The following PI15 variants were observed in gnomAD, a reference collection of about 807,000 sequenced individuals.
The protein encoded by PI15 is peptidase inhibitor 15.
In PI15, 18 loss-of-function variants were observed where a neutral mutation model predicts 31.0. The observed-to-expected ratio is 0.58, with a 90% CI of 0.40 to 0.86. PI15 has a LOEUF of 0.86. Ranked by LOEUF, PI15 falls within the 40% of genes least tolerant of loss-of-function variation. PI15 has a pLI of 0.00. For missense variants in PI15, 282 were observed against 328.1 expected, an observed-to-expected ratio of 0.86 and a Z score of 1.09; for synonymous variants, 118 against 119.1, an observed-to-expected ratio of 0.99 and a Z score of 0.06.
intron 2 of PI15, among the ~76,000 whole-genome samples, chr8:74,843,063 G>A (rs901103866): frequency 3.3e-5 from 5 of 152,032 alleles, no homozygotes; most frequent in East Asian, 1.9e-4. Context: ...GACCTTATAC[G>A]TTGCAATATA....
Position 74,849,249 on chromosome 8 carries a change from A to G in PI15, c.773A>G (p.Lys258Arg), listed in dbSNP as rs1471474422. Residue 258 changes from lysine to arginine, a missense_variant, in exon 6 of 6, where the codon AAA becomes AGA. Transcript: ENST00000260113. ...GVTSNYLYWFK is the reference protein window; with the variant it reads ...GVTSNYLYWFR ...ACGTCAAACTACCTGTACTGGTTTA[A>G]ATAAGTTTACCTTTTCCTCCAGGAA... 6.2e-7 allele frequency: 1 copy of G among 1,610,540 alleles called. No homozygotes were observed. Among genetic ancestry groups the G allele is most frequent in the South Asian group, 1.1e-5 (1 of 90,500 alleles).
At chr8:74,834,325 C>A (rs947848898) in intron 2 of PI15, among the ~76,000 whole-genome samples, 7 of 152,154 alleles carry the variant, frequency 4.6e-5, no homozygotes, top group Non-Finnish European at 7.4e-5. Context: ...TCAAATCTTT[C>A]TCTTTGTATT....
Position 74,849,201 on chromosome 8 carries a change from A to G in PI15, c.725A>G (p.Asp242Gly). 1 of 1,612,888 alleles carries G rather than the reference A, an allele frequency of 6.2e-7. No homozygotes were observed. Among genetic ancestry groups the G allele is most frequent in the Non-Finnish European group, 8.5e-7 (1 of 1,179,016 alleles). The stretch of plus-strand genomic sequence containing the variant: ...CCAAGTTATGGGGGATCTTGTACTG[A>G]CAATCTGTGTTTTCCAGGAGTTACG... ...CPPSYGGSCT[D>G]NLCFPGVTSN... Residue 242 changes from aspartate (D) to glycine (G), a missense_variant, in exon 6 of 6, where the codon GAC becomes GGC. Physicochemically the swap from Asp to Gly is moderately conservative, Grantham distance 94. Coordinates refer to ENST00000260113, the MANE Select transcript of PI15 (RefSeq NM_015886.5).
chr8:74,825,153 A>T, intron 1 of PI15, 57 bp from the exon 2 acceptor site: 1 of 946,616 alleles, frequency 1.1e-6, no homozygotes, highest in Non-Finnish European at 1.6e-6. Context: ...TTGTAAATTC[A>T]TACCCTCTGG....
At chr8:74,833,721 C>T (rs1356269497) in intron 2 of PI15, among the ~76,000 whole-genome samples, 1 of 152,292 alleles carries the variant, frequency 6.6e-6, no homozygotes, top group African/African-American at 2.4e-5. Context: ...TAATTTTCCT[C>T]ATTTGGAGAT....
At chr8:74,841,212 T>G (rs1810940759) in intron 2 of PI15, among the ~76,000 whole-genome samples, 1 of 152,238 alleles carries the variant, frequency 6.6e-6, no homozygotes, top group Non-Finnish European at 1.5e-5. Context: ...TGAATATTTT[T>G]AATTATTTCA....
At chr8:74,845,702 T>C (rs1811016226) in intron 5 of PI15, among the ~76,000 whole-genome samples, 1 of 152,210 alleles carries the variant, frequency 6.6e-6, no homozygotes, top group East Asian at 1.9e-4. Flanking sequence ...TTCAAAATTG[T>C]AGGCAAAACA....
intron 5 of PI15, among the ~76,000 whole-genome samples, chr8:74,846,876 T>C (rs192490468): frequency 1.3e-5 from 2 of 152,068 alleles, no homozygotes; most frequent in East Asian, 3.9e-4. Context: ...ATAATTTAGT[T>C]AGAATAGCAT....
At chr8:74,825,082 T>A (rs1007273255) in intron 1 of PI15, 128 bp from the exon 2 acceptor site, 15 of 681,318 alleles carry the variant, frequency 2.2e-5, no homozygotes, top group African/African-American at 1.6e-4. Context: ...TAGGCTTGAG[T>A]TCAACATTTG....
Position 74,844,008 on chromosome 8 carries a change from G to T in PI15, c.301G>T (p.Ala101Ser), listed in dbSNP as rs1563569073. The change falls in exon 3 of 6, where the codon GCA becomes TCA. Residue 101 changes from alanine to serine, a missense_variant. Transcript: ENST00000260113. ...MVWDENLAKS[A>S]EAWAATCIWD... ...TTGGGATGAAAATCTTGCAAAATCG[G>T]CAGAGGCTTGGGCGGCTACTTGCAT... The T allele has an allele frequency of 2.5e-6, 4 of 1,604,392 alleles. No individual in the cohort carries two copies. The highest frequency in any genetic ancestry group is 3.4e-6 in the Non-Finnish European group (4 of 1,171,194).
chr8:74,843,965 T>C lies in PI15; in HGVS notation c.274-16T>C, dbSNP rs756950087. The C allele has an allele frequency of 4.7e-6, 6 of 1,270,874 alleles. No homozygotes were observed. In the African/African-American group the frequency reaches 5.9e-5, roughly 12 times the overall value. The allele number at this position is 1,270,874 out of a possible 1,614,324, so 78.7% of individuals were successfully genotyped here. On this transcript the variant is annotated splice_polypyrimidine_tract_variant and intron_variant, in intron 2 of 5. Transcript: ENST00000260113. Reference sequence around the variant, plus strand: ...TCAGCAAATTCCGTAACGCTGAAGATTTTTTTCCCCTACAGGTTTGGGATG... The same window carrying C: ...TCAGCAAATTCCGTAACGCTGAAGACTTTTTTCCCCTACAGGTTTGGGATG...
chr8:74,849,046 G>A, intron 5 of PI15, 72 bp from the exon 6 acceptor site: 1 of 1,348,834 alleles, frequency 7.4e-7, no homozygotes, highest in Admixed American at 2.0e-5. Flanking sequence ...GTGAACATAT[G>A]GCTTAAGGAC....
In PI15 at chr8:74,825,244, C is replaced by G. The variant is rs1411844483; in HGVS notation, c.-6C>G. On this transcript the variant is annotated 5_prime_UTR_variant, in exon 2 of 6. Transcript: ENST00000260113. ...CTCGGTGGCCTCTTCTTCTCCACCC[C>G]TCAAAATGATAGCAATCTCTGCCGT... is the stretch of plus-strand genomic sequence containing the variant. The G allele has an allele frequency of 6.2e-7, 1 of 1,612,284 alleles. No homozygotes were observed.
At chr8:74,838,412 T>TA (rs1810899929) in intron 2 of PI15, among the ~76,000 whole-genome samples, 1 of 152,154 alleles carries the variant, frequency 6.6e-6, no homozygotes, top group Non-Finnish European at 1.5e-5. Flanking sequence ...TTAACCTTTT[T>TA]AAAAAGTAAT....
In PI15 at chr8:74,842,843, AAC is replaced by A. The variant is rs564514077; in HGVS notation, c.274-1136_274-1135del. 1.4e-3 allele frequency among the ~76,000 whole-genome samples: 207 copies of A among 152,324 alleles called. 2 individuals are homozygous for A. Among genetic ancestry groups the A allele is most frequent in the African/African-American group, 4.1e-3 (172 of 41,588 alleles). ...CTTAGCTTCCTCTATAAAGGAAAGC[AAC>A]AGTTGCTATTTTTCTTAATTCATTT... On this transcript the variant is annotated intron_variant, in intron 2 of 5. Transcript: ENST00000260113.
chr8:74,830,005 G>A (rs941562760), intron 2 of PI15, among the ~76,000 whole-genome samples: 4 of 152,112 alleles, frequency 2.6e-5, no homozygotes, highest in Admixed American at 6.6e-5. Flanking sequence ...TTTTAGAGAA[G>A]GATTAGGGAT....
chr8:74,834,966 T>C (rs1396304792), intron 2 of PI15, among the ~76,000 whole-genome samples: 2 of 152,124 alleles, frequency 1.3e-5, no homozygotes, highest in African/African-American at 2.4e-5. Flanking sequence ...GATGTTGTTA[T>C]AATGGAAAGG....
rs921639222 is a variant in PI15, at chr8:74,854,172, T to C, written c.*4919T>C. The C allele has an allele frequency of 4.6e-5, 7 of 152,070 alleles. No individual in the cohort carries two copies. The highest frequency in any genetic ancestry group is 1.5e-5 in the Non-Finnish European group (1 of 67,940). 9.4% of individuals were successfully genotyped at this position (152,070 alleles called of 1,614,324 possible). A position where few individuals can be genotyped will look rare whatever the true frequency, so the allele number is the denominator to read the frequency against. ...CTTAGGATTATATCATGTGTAACTA[T>C]TATAGATAACATCCTAAACCTTCAG... On this transcript the variant is annotated 3_prime_UTR_variant, in exon 6 of 6. Transcript: ENST00000260113.
At chr8:74,833,400 G>GCTCCTTAGAAT (rs1331306637) in intron 2 of PI15, among the ~76,000 whole-genome samples, 1 of 151,876 alleles carries the variant, frequency 6.6e-6, no homozygotes, top group Non-Finnish European at 1.5e-5. Flanking sequence ...CTGTAAGCAA[G>GCTCCTTAGAAT]CTCCTTAGAA....
Sources: allele counts gnomAD v4.1 joint callset (sites outside exome capture counted in the v4.1 genomes callset), GRCh38; gene constraint gnomAD v4.1.1; transcripts MANE v1.5; gene names NCBI Gene and HGNC (gene_info 2026-07-23, HGNC 2026-07-21).